The following ERI3 variants were observed in gnomAD, a reference collection of about 807,000 sequenced individuals.
ERI3 encodes the protein ERI1 exoribonuclease family member 3, also known as ERI1 exoribonuclease 3.
In ERI3, 18 loss-of-function variants were observed where a neutral mutation model predicts 44.4. The ratio of observed to expected loss-of-function variants is 0.41; its 90% confidence interval spans 0.28 to 0.60. The LOEUF is 0.60. ERI3 is among the 20% of genes least tolerant of loss of function. The pLI, the probability that ERI3 is intolerant of heterozygous loss-of-function variation, is 0.36. For missense variants in ERI3, 294 were observed against 435.5 expected, an observed-to-expected ratio of 0.68 and a Z score of 2.89; for synonymous variants, 183 against 164.8, an observed-to-expected ratio of 1.11 and a Z score of -0.84.
intron 7 of ERI3, among the ~76,000 whole-genome samples, chr1:44,258,205 TA>T (rs1349286656): frequency 5.3e-5 from 8 of 152,162 alleles, no homozygotes; most frequent in African/African-American, 1.9e-4. Context: ...GGCCTGAAGA[TA>T]AAAGAGAAAA....
intron 3 of ERI3, among the ~76,000 whole-genome samples, chr1:44,321,097 A>C (rs1646192821): frequency 6.6e-6 from 1 of 152,200 alleles, no homozygotes; most frequent in African/African-American, 2.4e-5. Context: ...CACAAGGAGA[A>C]ATGGTCAATC....
intron 7 of ERI3, among the ~76,000 whole-genome samples, chr1:44,264,380 C>A (rs1416693175): frequency 1.3e-5 from 2 of 152,210 alleles, no homozygotes; most frequent in Non-Finnish European, 2.9e-5. Flanking sequence ...ACATCTCAGT[C>A]TCTTCTATTG....
chr1:44,335,467 A>G (rs912128465), intron 3 of ERI3, among the ~76,000 whole-genome samples: 2 of 152,162 alleles, frequency 1.3e-5, no homozygotes, highest in East Asian at 1.9e-4. Context: ...GACCTTACTC[A>G]TAAAGAATCA....
At chr1:44,256,792 A>C (rs1644790231) in intron 7 of ERI3, 1 of 152,202 alleles carries the variant, frequency 6.6e-6, no homozygotes. Context: ...GAGTATTTTC[A>C]GGTGGAGTTT....
At position 44,235,280 on chromosome 1, in the gene ERI3, G is replaced by C. The variant is rs1644278322; in HGVS notation, c.931+12659C>G. ...TCCCCTGTTGTACAGCCAAATTCAG[G>C]CTCATTTGCACCTTGAGTTTTCAAG... On this transcript the variant is annotated intron_variant, in intron 8 of 8. Coordinates refer to ENST00000372257, the MANE Select transcript of ERI3 (RefSeq NM_024066.3). This position sits in a 1 kb window ranked among gnomAD's most constrained non-coding sequence, Gnocchi z 4.6. Among the ~76,000 whole-genome samples the C allele has an allele frequency of 6.6e-6, 1 of 152,120 alleles. No homozygotes were observed. Among genetic ancestry groups the C allele is most frequent in the Non-Finnish European group, 1.5e-5 (1 of 68,028 alleles).
intron 1 of ERI3, chr1:44,354,010 T>G (rs1286860504): frequency 4.1e-6 from 4 of 985,184 alleles, no homozygotes; most frequent in Non-Finnish European, 4.8e-6. Context: ...GAGATTCAGG[T>G]ATAATAAACT....
chr1:44,342,844 T>TATATATATATAA (rs1646702197), intron 2 of ERI3, among the ~76,000 whole-genome samples: 3 of 32,904 alleles, frequency 9.1e-5, no homozygotes, highest in Non-Finnish European at 1.6e-4. Flanking sequence ...TATATATATA[T>TATATATATATAA]ATATATATAT....
At chr1:44,260,874 T>A (rs1282137841) in intron 7 of ERI3, among the ~76,000 whole-genome samples, 2 of 151,990 alleles carry the variant, frequency 1.3e-5, no homozygotes, top group Non-Finnish European at 2.9e-5. Flanking sequence ...AAGCCCTTCA[T>A]GATTTCTCTT....
chr1:44,252,457 A>G lies in ERI3; in HGVS notation c.832-4419T>C, dbSNP rs1040943968. Among the ~76,000 whole-genome samples, 2 of 152,190 alleles carry G rather than the reference A, an allele frequency of 1.3e-5. No homozygotes were observed. The highest frequency in any genetic ancestry group is 2.9e-5 in the Non-Finnish European group (2 of 68,022). On this transcript the variant is annotated intron_variant, in intron 7 of 8. Transcript: ENST00000372257. This position sits in a 1 kb window ranked among gnomAD's most constrained non-coding sequence, Gnocchi z 4.7. ...AGGTGCGGCGGGTGGCCCCCTGTGT[A>G]ACAGGGAGCTTTGCCATTAGCGCCT...
rs1646695356 is a variant in ERI3, at chr1:44,342,835, AT to A, written c.212-3514del. Reference sequence around the variant, plus strand: ...CTAATATATATATATATATATATATATATATATATATATATATATATATTTT... The same window carrying A: ...CTAATATATATATATATATATATATAATATATATATATATATATATATTTT... On this transcript the variant is annotated intron_variant, in intron 2 of 8. Coordinates refer to ENST00000372257, the MANE Select transcript of ERI3 (RefSeq NM_024066.3). 4.3e-4 allele frequency among the ~76,000 whole-genome samples: 11 copies of A among 25,570 alleles called. 1 individual carries two copies. The highest frequency in any genetic ancestry group is 1.1e-3 in the Admixed American group (2 of 1,840). The allele number at this position is 25,570 out of a possible 152,430, so 16.8% of individuals were successfully genotyped here.
intron 8 of ERI3, among the ~76,000 whole-genome samples, chr1:44,234,007 T>C (rs747388311): frequency 1.3e-5 from 2 of 152,170 alleles, no homozygotes; most frequent in African/African-American, 4.8e-5. Flanking sequence ...CTCTCTTCCC[T>C]AGGCTTCAGT....
chr1:44,240,430 G>A (rs1164416485), intron 8 of ERI3, among the ~76,000 whole-genome samples: 2 of 152,160 alleles, frequency 1.3e-5, no homozygotes, highest in African/African-American at 4.8e-5. Context: ...TCCAGGCGTG[G>A]TGACATGTCG....
At chr1:44,285,501 T>C (rs1645375153) in intron 6 of ERI3, among the ~76,000 whole-genome samples, 2 of 152,212 alleles carry the variant, frequency 1.3e-5, no homozygotes, top group Non-Finnish European at 2.9e-5. Context: ...CAGGTTTGTT[T>C]CAGATAGAGA....
rs1368394626 is a variant in ERI3 at position 44,355,226 on chromosome 1, G to A, written c.-200C>T. 3.4e-6 allele frequency: 4 copies of A among 1,185,706 alleles called. No individual in the cohort carries two copies. The highest frequency in any genetic ancestry group is 1.6e-5 in the African/African-American group (1 of 62,662). The allele number at this position is 1,185,706 out of a possible 1,614,324, so 73.4% of individuals were successfully genotyped here. A position where few individuals can be genotyped will look rare whatever the true frequency, so the allele number is the denominator to read the frequency against. On this transcript the variant is annotated 5_prime_UTR_variant, in exon 1 of 9. Coordinates refer to ENST00000372257, the MANE Select transcript of ERI3 (RefSeq NM_024066.3). ...GTTCCCGGCCGCCTGAACAGCGGCA[G>A]CCAGCACCACGAGTCCACAACACAC...
chr1:44,289,500 T>C (rs1645459906), intron 6 of ERI3, among the ~76,000 whole-genome samples: 1 of 152,194 alleles, frequency 6.6e-6, no homozygotes, highest in South Asian at 2.1e-4. Flanking sequence ...TTACTCCTTT[T>C]GAATAACAGA....
intron 7 of ERI3, 111 bp downstream of exon 7, chr1:44,284,724 G>GAAAAA: frequency 1.3e-6 from 1 of 793,844 alleles, no homozygotes; most frequent in African/African-American, 1.7e-5. Context: ...GAAAAGAGAA[G>GAAAAA]AACAAAAAGA....
intron 8 of ERI3, among the ~76,000 whole-genome samples, chr1:44,237,903 G>A (rs948711035): frequency 6.6e-6 from 1 of 151,988 alleles, no homozygotes; most frequent in Non-Finnish European, 1.5e-5. Flanking sequence ...GGCTCCCGGC[G>A]GCCGGCAGCA....
intron 6 of ERI3, among the ~76,000 whole-genome samples, chr1:44,303,856 C>T (rs1315934985): frequency 1.3e-5 from 2 of 152,116 alleles, no homozygotes; most frequent in African/African-American, 4.8e-5. Context: ...CAAAACTGGA[C>T]TCAAAGAGAC....
chr1:44,303,987 T>G (rs1645780139), intron 6 of ERI3, among the ~76,000 whole-genome samples: 1 of 151,904 alleles, frequency 6.6e-6, no homozygotes, highest in African/African-American at 2.4e-5. Context: ...AGCAACAGGA[T>G]TTGGCAATTA....
Sources: allele counts gnomAD v4.1 joint callset (sites outside exome capture counted in the v4.1 genomes callset), GRCh38; gene constraint gnomAD v4.1.1; non-coding constraint Gnocchi (gnomAD v3.1); transcripts MANE v1.5; gene names NCBI Gene and HGNC (gene_info 2026-07-23, HGNC 2026-07-21).